The following XPO4 variants were observed in gnomAD, a reference collection of about 807,000 sequenced individuals.
XPO4 encodes the protein exportin-4.
In XPO4, 39 loss-of-function variants were observed where a neutral mutation model predicts 143.0. The ratio of observed to expected loss-of-function variants is 0.27; its 90% confidence interval spans 0.21 to 0.36. The LOEUF is 0.36. Among genes scored for constraint, XPO4 ranks in the 10% least tolerant of loss-of-function variants. The pLI is 1.00. For synonymous variants in XPO4, 439 were observed against 474.0 expected (o/e 0.93, Z 0.96); for missense variants, 907 against 1,348.0 (o/e 0.67, Z 5.12).
intron 18 of XPO4, 21 bp from the exon 19 acceptor site, chr13:20,790,601 A>T: frequency 6.3e-7 from 1 of 1,584,036 alleles, no homozygotes; most frequent in South Asian, 1.1e-5. Context: ...AAAAGGATGC[A>T]GGCTTATGGT....
At chr13:20,896,203 C>T (rs1376588611) in intron 1 of XPO4, among the ~76,000 whole-genome samples, 1 of 152,186 alleles carries the variant, frequency 6.6e-6, no homozygotes, top group Non-Finnish European at 1.5e-5. Flanking sequence ...GTTGCTACAT[C>T]AAGTCCCCAA....
At chr13:20,839,643 C>T (rs755186001) in intron 6 of XPO4, among the ~76,000 whole-genome samples, 1 of 151,888 alleles carries the variant, frequency 6.6e-6, no homozygotes, top group Non-Finnish European at 1.5e-5. Flanking sequence ...TCGAGGCCAG[C>T]CTAGCCAACA....
rs781579565 is a variant in XPO4, at chr13:20,800,162, C to A, written c.2141G>T (p.Arg714Ile). ...VQLLVTLVER[R>I]ERANLVIQCE... ...CCTCCAACAATGGGCTAACCTTTCT[C>A]TTCTTTCCACCAAAGTGACAAGGAG... The change falls in exon 15 of 23, where the codon AGA becomes ATA. Residue 714 changes from arginine (R) to isoleucine (I), a missense_variant. Arg to Ile is a moderately conservative substitution (Grantham distance 97, BLOSUM62 -3). Coordinates refer to ENST00000255305, the MANE Select transcript of XPO4 (RefSeq NM_022459.5). 2.5e-6 allele frequency: 4 copies of A among 1,614,094 alleles called. No individual in the cohort carries two copies. The highest frequency in any genetic ancestry group is 1.6e-4 in the Middle Eastern group (1 of 6,062).
In XPO4 at chr13:20,783,506, CAT is replaced by C. The variant is rs2059164472; in HGVS notation, c.*214_*215del. On this transcript the variant is annotated 3_prime_UTR_variant, in exon 23 of 23. Coordinates refer to ENST00000255305, the MANE Select transcript of XPO4 (RefSeq NM_022459.5). Reference sequence around the variant, plus strand: ...AAATCACCATTCAGAATCTAAAAGACATATATATGACAGATTGTGGCTAACAC... The same window carrying C: ...AAATCACCATTCAGAATCTAAAAGACATATATGACAGATTGTGGCTAACAC... 5.3e-6 allele frequency: 3 copies of C among 570,988 alleles called. No homozygotes were observed. Among genetic ancestry groups the C allele is most frequent in the South Asian group, 2.3e-5 (1 of 43,454 alleles). The allele number at this position is 570,988 out of a possible 1,614,324, so 35.4% of individuals were successfully genotyped here.
At chr13:20,839,730 C>A (rs1173758941) in intron 6 of XPO4, among the ~76,000 whole-genome samples, 1 of 152,086 alleles carries the variant, frequency 6.6e-6, no homozygotes, top group East Asian at 1.9e-4. Context: ...TGCCTGTAAT[C>A]CCAACACTTT....
intron 2 of XPO4, among the ~76,000 whole-genome samples, chr13:20,866,738 T>G (rs2060248484): frequency 6.6e-6 from 1 of 152,124 alleles, no homozygotes; most frequent in Non-Finnish European, 1.5e-5. Flanking sequence ...CTTTAGAAAA[T>G]TTTATCAGGA....
In XPO4 at chr13:20,783,241, T is replaced by G. The variant is rs1301657090; in HGVS notation, c.*481A>C. 2 of 160,736 alleles carry G rather than the reference T, an allele frequency of 1.2e-5. No homozygotes were observed. Among genetic ancestry groups the G allele is most frequent in the African/African-American group, 4.8e-5 (2 of 41,506 alleles). The allele number at this position is 160,736 out of a possible 1,614,324, so 10.0% of individuals were successfully genotyped here. A position where few individuals can be genotyped will look rare whatever the true frequency, so the allele number is the denominator to read the frequency against. On this transcript the variant is annotated 3_prime_UTR_variant, in exon 23 of 23. Transcript: ENST00000255305. The stretch of plus-strand genomic sequence containing the variant: ...TCCTGGGCCCAACAACCAGACATTC[T>G]GACTCTGAAGGTCTACAGTTGGGCC...
chr13:20,887,849 ACT>A (rs1287244926), intron 1 of XPO4, among the ~76,000 whole-genome samples: 6 of 149,968 alleles, frequency 4.0e-5, no homozygotes, highest in Admixed American at 2.7e-4. Flanking sequence ...CGACAGTCAG[ACT>A]CTGTCTCAAA....
In XPO4 at chr13:20,821,744, A is replaced by G. The variant is rs1432259394; in HGVS notation, c.1133T>C (p.Leu378Pro). The change falls in exon 9 of 23, where the codon CTC becomes CCC. Residue 378 changes from leucine (L) to proline (P), a missense_variant. By Grantham distance (98) the Leu-to-Pro change is moderately conservative. Coordinates refer to ENST00000255305, the MANE Select transcript of XPO4 (RefSeq NM_022459.5). ...FSSFVNCLTH[L>P]TCSFGRSAAL... The stretch of plus-strand genomic sequence containing the variant: ...AGCACTTCGCCCAAAAGAACAAGTG[A>G]GGTGTGTGAGGCAGTTAACAAAGGA... The G allele has an allele frequency of 6.2e-7, 1 of 1,613,810 alleles. No individual in the cohort carries two copies. Among genetic ancestry groups the G allele is most frequent in the African/African-American group, 1.3e-5 (1 of 74,932 alleles).
In XPO4 at chr13:20,836,738, C is replaced by T. The variant is rs185292198; in HGVS notation, c.727+6157G>A. On this transcript the variant is annotated intron_variant, in intron 6 of 22. Coordinates refer to ENST00000255305, the MANE Select transcript of XPO4 (RefSeq NM_022459.5). Reference sequence around the variant, plus strand: ...CAGCTCAATGGTTTTAGCATATTCACAGATGTGTGCAACCACGACCATGAT... The same window carrying T: ...CAGCTCAATGGTTTTAGCATATTCATAGATGTGTGCAACCACGACCATGAT... Among the ~76,000 whole-genome samples, 7 of 152,352 alleles carry T rather than the reference C, an allele frequency of 4.6e-5. No individual in the cohort carries two copies. In the East Asian group the frequency reaches 1.4e-3, roughly 29 times the overall value.
rs544823980 is a variant in XPO4 at position 20,780,899 on chromosome 13, G to C, written c.*2823C>G. 26 of 152,170 alleles carry C rather than the reference G, an allele frequency of 1.7e-4. No individual in the cohort carries two copies. The highest frequency in any genetic ancestry group is 6.3e-4 in the African/African-American group (26 of 41,422). The allele number at this position is 152,170 out of a possible 1,614,324, so 9.4% of individuals were successfully genotyped here. On this transcript the variant is annotated 3_prime_UTR_variant, in exon 23 of 23. Coordinates refer to ENST00000255305, the MANE Select transcript of XPO4 (RefSeq NM_022459.5). Reference sequence around the variant, plus strand: ...ATCCTTTTAACAGAACAAGAACACAGTTACAGGTGCTACCACATTAACAGA... The same window carrying C: ...ATCCTTTTAACAGAACAAGAACACACTTACAGGTGCTACCACATTAACAGA...
chr13:20,878,529 T>TTA, intron 1 of XPO4, among the ~76,000 whole-genome samples: 2 of 152,184 alleles, frequency 1.3e-5, no homozygotes, highest in Non-Finnish European at 2.9e-5. Context: ...TTTACCAACC[T>TTA]AGATAAACCC....
intron 7 of XPO4, among the ~76,000 whole-genome samples, chr13:20,823,943 C>T (rs562860214): frequency 6.6e-6 from 1 of 152,192 alleles, no homozygotes; most frequent in South Asian, 2.1e-4. Context: ...TGAGCCACCA[C>T]GCCCGGCCAA....
intron 7 of XPO4, among the ~76,000 whole-genome samples, chr13:20,825,459 T>A (rs991638530): frequency 6.6e-6 from 1 of 152,240 alleles, no homozygotes; most frequent in African/African-American, 2.4e-5. Context: ...CATAAACTGC[T>A]TAAGTGAAAA....
chr13:20,800,799 T>C, intron 14 of XPO4, 32 bp downstream of exon 14: 2 of 1,603,428 alleles, frequency 1.2e-6, no homozygotes, highest in Non-Finnish European at 1.7e-6. Context: ...TCATCATAAA[T>C]CCAAATGAAG....
intron 1 of XPO4, among the ~76,000 whole-genome samples, chr13:20,878,367 A>C (rs528718027): frequency 6.6e-6 from 1 of 152,274 alleles, no homozygotes; most frequent in African/African-American, 2.4e-5. Flanking sequence ...CCCCTTTCCC[A>C]CATACATACA....
At chr13:20,874,557 A>C (rs983707344) in intron 1 of XPO4, among the ~76,000 whole-genome samples, 1 of 152,204 alleles carries the variant, frequency 6.6e-6, no homozygotes, top group African/African-American at 2.4e-5. Context: ...AGGTTAAATT[A>C]GGCCCTATTT....
chr13:20,834,559 C>CG (rs1566594843), intron 6 of XPO4, among the ~76,000 whole-genome samples: 1 of 150,340 alleles, frequency 6.7e-6, no homozygotes, highest in East Asian at 1.9e-4. Flanking sequence ...GGCAACAGGG[C>CG]GAGACCCAGT....
chr13:20,800,560 A>T (rs2059419014), intron 14 of XPO4, among the ~76,000 whole-genome samples: 1 of 152,220 alleles, frequency 6.6e-6, no homozygotes, highest in South Asian at 2.1e-4. Context: ...TTAAAAAATT[A>T]ACATAGTATT....
Sources: gnomAD v4.1 joint callset for allele counts (sites outside exome capture counted in the v4.1 genomes callset) on GRCh38, gnomAD v4.1.1 for gene constraint, MANE v1.5 for transcripts, NCBI Gene and HGNC (gene_info 2026-07-23, HGNC 2026-07-21) for gene names.